LMBRD1: variants seen among roughly 807,000 people sequenced by gnomAD.
LMBRD1 encodes the protein lysosomal cobalamin transport escort protein LMBD1.
In LMBRD1, 64 loss-of-function variants were observed where a neutral mutation model predicts 74.8. The ratio of observed to expected loss-of-function variants is 0.86; its 90% CI spans 0.70 to 1.05. LMBRD1 has a LOEUF of 1.05. LMBRD1 is among the 50% of genes least tolerant of loss of function. LMBRD1 has a pLI of 0.00. For missense variants in LMBRD1, 652 were observed against 645.9 expected (o/e 1.01, Z -0.10); for synonymous variants, 204 against 216.3 (o/e 0.94, Z 0.50).
chr6:69,693,250 A>G (rs1041734350), intron 14 of LMBRD1, among the ~76,000 whole-genome samples: 1 of 152,124 alleles, frequency 6.6e-6, no homozygotes, highest in African/African-American at 2.4e-5. Context: ...GATTACTGCT[A>G]AATTATTCTA....
chr6:69,696,574 T>C (rs1004642598), intron 14 of LMBRD1, among the ~76,000 whole-genome samples: 3 of 152,056 alleles, frequency 2.0e-5, no homozygotes, highest in African/African-American at 4.8e-5. Flanking sequence ...AGGTAATTGT[T>C]TGTACACTTT....
At chr6:69,751,166 A>T (rs929906455) in intron 4 of LMBRD1, among the ~76,000 whole-genome samples, 1 of 152,106 alleles carries the variant, frequency 6.6e-6, no homozygotes, top group Non-Finnish European at 1.5e-5. Flanking sequence ...TGCAATTGAG[A>T]GACAGGCCCA....
intron 6 of LMBRD1, among the ~76,000 whole-genome samples, chr6:69,741,311 G>C (rs181242421): frequency 6.6e-6 from 1 of 151,914 alleles, no homozygotes; most frequent in Non-Finnish European, 1.5e-5. Flanking sequence ...CAAGCCTTAA[G>C]AATGCAACAC....
intron 7 of LMBRD1, among the ~76,000 whole-genome samples, chr6:69,720,350 C>G (rs1205423512): frequency 1.3e-5 from 2 of 152,090 alleles, no homozygotes; most frequent in Non-Finnish European, 2.9e-5. Context: ...CTTAAAAAAC[C>G]TTGCACTTTA....
chr6:69,792,155 G>A (rs536384667), intron 1 of LMBRD1, among the ~76,000 whole-genome samples: 21 of 152,290 alleles, frequency 1.4e-4, no homozygotes, highest in African/African-American at 4.8e-4. Context: ...AAACCTCACC[G>A]TGTGTCTCTC....
At chr6:69,755,852 CT>C (rs1765256671) in intron 3 of LMBRD1, among the ~76,000 whole-genome samples, 1 of 152,148 alleles carries the variant, frequency 6.6e-6, no homozygotes, top group Non-Finnish European at 1.5e-5. Context: ...GTGTCTGTTA[CT>C]TGGTGGGCTT....
chr6:69,794,409 T>C (rs1221082658), intron 1 of LMBRD1, among the ~76,000 whole-genome samples: 1 of 152,234 alleles, frequency 6.6e-6, no homozygotes, highest in African/African-American at 2.4e-5. Flanking sequence ...CATGCGTACA[T>C]AAAGTCCTGC....
At chr6:69,750,593 A>G (rs939243050) in intron 4 of LMBRD1, among the ~76,000 whole-genome samples, 8 of 152,106 alleles carry the variant, frequency 5.3e-5, no homozygotes, top group Non-Finnish European at 1.2e-4. Flanking sequence ...TTATTCACAA[A>G]GGGGGTAAGA....
At position 69,674,333 on chromosome 6, in the gene LMBRD1, A is replaced by C. The variant is rs893813229; in HGVS notation, c.*1825T>G. Among the ~76,000 whole-genome samples the C allele has an allele frequency of 6.6e-6, 1 of 152,232 alleles. No homozygotes were observed. Among genetic ancestry groups the C allele is most frequent in the Non-Finnish European group, 1.5e-5 (1 of 68,036 alleles). ...GACAAGATTTCAACATATGAATTGT[A>C]AGGGGACACAATTCAGCCTATAACA... On this transcript the variant is annotated 3_prime_UTR_variant, in exon 16 of 16. Coordinates refer to ENST00000649934, the MANE Select transcript of LMBRD1 (RefSeq NM_018368.4).
At chr6:69,740,322 T>A (rs1420797610) in intron 6 of LMBRD1, among the ~76,000 whole-genome samples, 5 of 151,924 alleles carry the variant, frequency 3.3e-5, no homozygotes, top group African/African-American at 7.3e-5. Flanking sequence ...CTAAAGAGAA[T>A]GGAATTACAA....
chr6:69,674,951 C>T lies in LMBRD1; in HGVS notation c.*1207G>A, dbSNP rs1425588576. On this transcript the variant is annotated 3_prime_UTR_variant, in exon 16 of 16. Transcript: ENST00000649934. ...TCGTGCCATTGCACTCCAGCCTGGG[C>T]GACAAGAGTGAAACTCCATCTTAAA... Among the ~76,000 whole-genome samples the T allele has an allele frequency of 1.3e-5, 2 of 151,458 alleles. No homozygotes were observed. Among genetic ancestry groups the T allele is most frequent in the African/African-American group, 4.9e-5 (2 of 41,180 alleles).
rs1049826340 is a variant in LMBRD1 at position 69,677,826 on chromosome 6, T to C, written c.1418-1285A>G. Among the ~76,000 whole-genome samples, 67 of 152,150 alleles carry C rather than the reference T, an allele frequency of 4.4e-4. 1 individual carries two copies. Among genetic ancestry groups the C allele is most frequent in the African/African-American group, 1.4e-3 (58 of 41,442 alleles). Reference sequence around the variant, plus strand: ...TAGATGTAATTAAAAATAAATCATATATTTTTCTCCTTCAAATAAAATGTA... The same window carrying C: ...TAGATGTAATTAAAAATAAATCATACATTTTTCTCCTTCAAATAAAATGTA... On this transcript the variant is annotated intron_variant, in intron 14 of 15. Transcript: ENST00000649934.
intron 6 of LMBRD1, 119 bp from the exon 7 acceptor site, chr6:69,738,134 G>T: frequency 1.4e-6 from 1 of 699,806 alleles, no homozygotes; most frequent in Non-Finnish European, 2.5e-6. Flanking sequence ...AAACCAATAT[G>T]TATTACCGTA....
chr6:69,770,485 T>C (rs531204903), intron 3 of LMBRD1, among the ~76,000 whole-genome samples: 14 of 152,318 alleles, frequency 9.2e-5, no homozygotes, highest in Admixed American at 1.3e-4. Context: ...TGTTTTCTGG[T>C]GAGAGAATCT....
Position 69,786,497 on chromosome 6 carries a change from T to TC in LMBRD1, c.246+3798_246+3799insG, listed in dbSNP as rs1765950699. On this transcript the variant is annotated intron_variant, in intron 2 of 15. Coordinates refer to ENST00000649934, the MANE Select transcript of LMBRD1 (RefSeq NM_018368.4). ...ATTAGTGTCGATTTCTTTTTTTTTT[T>TC]ACTATTGGATCAGTATATTTCATGT... is the stretch of plus-strand genomic sequence containing the variant. Among the ~76,000 whole-genome samples the TC allele has an allele frequency of 3.9e-4, 59 of 152,066 alleles. 1 individual carries two copies. The South Asian group carries it at 8.5e-3, about 22-fold the overall frequency.
chr6:69,753,354 C>A (rs1765203974), intron 3 of LMBRD1, among the ~76,000 whole-genome samples: 1 of 152,100 alleles, frequency 6.6e-6, no homozygotes. Flanking sequence ...GAATGATAAT[C>A]ATTGTATTGC....
At position 69,790,322 on chromosome 6, in the gene LMBRD1, T is replaced by A. The variant is rs770941298; in HGVS notation, c.220A>T (p.Met74Leu). ...TTAAATGTACCATTTTGATTTTTCA[T>A]GTAAGAAACCAAAAATATATCCACT... ...LPVDIFLVSYMKNQNGTFKDW... is the reference protein window; with the variant it reads ...LPVDIFLVSYLKNQNGTFKDW... Residue 74 changes from methionine (M) to leucine (L), a missense_variant, in exon 2 of 16, where the codon ATG becomes TTG. Physicochemically the swap from Met to Leu is conservative, Grantham distance 15. Around this residue, in one of 3 missense-constraint regions of LMBRD1, gnomAD observed 598 missense variants for 581.8 expected, o/e 1.03. Coordinates refer to ENST00000649934, the MANE Select transcript of LMBRD1 (RefSeq NM_018368.4). 6.2e-7 allele frequency: 1 copy of A among 1,612,636 alleles called. No individual in the cohort carries two copies. Among genetic ancestry groups the A allele is most frequent in the Non-Finnish European group, 8.5e-7 (1 of 1,178,766 alleles).
chr6:69,790,106 T>C lies in LMBRD1; in HGVS notation c.246+190A>G, dbSNP rs193206370. Among the ~76,000 whole-genome samples the C allele has an allele frequency of 4.2e-3, 638 of 152,356 alleles. 5 individuals are homozygous for C. Among genetic ancestry groups the C allele is most frequent in the Non-Finnish European group, 6.7e-3 (457 of 68,026 alleles). On this transcript the variant is annotated intron_variant, in intron 2 of 15. Coordinates refer to ENST00000649934, the MANE Select transcript of LMBRD1 (RefSeq NM_018368.4). Reference sequence around the variant, plus strand: ...TAAAGCATTTGCAGGGCGGCTGAATTAATAGTTCTTATGTCAGTTGTAAGT... The same window carrying C: ...TAAAGCATTTGCAGGGCGGCTGAATCAATAGTTCTTATGTCAGTTGTAAGT...
At chr6:69,706,547 T>C (rs1288758162) in intron 9 of LMBRD1, among the ~76,000 whole-genome samples, 1 of 152,190 alleles carries the variant, frequency 6.6e-6, no homozygotes, top group African/African-American at 2.4e-5. Context: ...CCCTGTACAT[T>C]TGGAGAAAAG....
Sources: gnomAD v4.1 joint callset for allele counts (sites outside exome capture counted in the v4.1 genomes callset) on GRCh38, gnomAD v4.1.1 for gene constraint, gnomAD v4.1.1 regional missense constraint, MANE v1.5 for transcripts, NCBI Gene and HGNC (gene_info 2026-07-23, HGNC 2026-07-21) for gene names.